TTC6: variants seen among roughly 807,000 people sequenced by gnomAD.
TTC6 encodes the protein tetratricopeptide repeat domain 6.
In TTC6, 172 loss-of-function variants were observed where a neutral mutation model predicts 210.4. The ratio of observed to expected loss-of-function variants is 0.82; its 90% CI spans 0.72 to 0.93. The LOEUF is 0.93. Among genes scored for constraint, TTC6 ranks in the 40% least tolerant of loss-of-function variants. TTC6 has a pLI of 0.00. For synonymous variants in TTC6, 804 were observed against 819.6 expected (o/e 0.98, Z 0.32); for missense variants, 2,414 against 2,318.1 (o/e 1.04, Z -0.85).
chr14:37,804,540 T>C, intron 20 of TTC6, 140 bp from the exon 23 acceptor site: 1 of 1,141,068 alleles, frequency 8.8e-7, no homozygotes, highest in Non-Finnish European at 1.2e-6. Flanking sequence ...ACCTGTAACT[T>C]CACCAGGTCT....
At chr14:37,717,343 C>T (rs1285669236) in intron 6 of TTC6, among the ~76,000 whole-genome samples, 4 of 151,680 alleles carry the variant, frequency 2.6e-5, no homozygotes, top group Non-Finnish European at 5.9e-5. Context: ...CATAAATTAC[C>T]AATATTATAA....
At chr14:37,753,106 T>C (rs1479645763) in exon 14 of TTC6, 79 of 1,533,852 alleles carry the variant, frequency 5.2e-5, no homozygotes, top group Non-Finnish European at 6.7e-5. Context: ...TAGTGTATTT[T>C]TTATGATCCC....
At chr14:37,811,528 T>C (rs1230162085) in intron 24 of TTC6, among the ~76,000 whole-genome samples, 1 of 152,158 alleles carries the variant, frequency 6.6e-6, no homozygotes, top group Non-Finnish European at 1.5e-5. Context: ...TCAGACCATA[T>C]GGCTCTTTTG....
chr14:37,753,093 C>T lies in TTC6; in HGVS notation c.3130-6C>T. 2.6e-6 allele frequency: 4 copies of T among 1,528,486 alleles called. No homozygotes were observed. In the South Asian group the frequency reaches 3.6e-5, roughly 14 times the overall value. 94.7% of individuals were successfully genotyped at this position (1,528,486 alleles called of 1,614,324 possible). ...GATGTTTATGTACCTCCCGCTGTCCCTATAGTGTATTTTTTATGATCCCAA... is the reference window on the plus strand; with the variant it reads ...GATGTTTATGTACCTCCCGCTGTCCTTATAGTGTATTTTTTATGATCCCAA... On this transcript the variant is annotated splice_region_variant and splice_polypyrimidine_tract_variant and intron_variant, in intron 13 of 30. Coordinates refer to ENST00000553443, the Ensembl canonical transcript of TTC6.
At chr14:37,828,631 A>G (rs1046883460) in intron 29 of TTC6, among the ~76,000 whole-genome samples, 1 of 152,108 alleles carries the variant, frequency 6.6e-6, no homozygotes, top group African/African-American at 2.4e-5. Context: ...CTAAAGAATA[A>G]ATTAACAGAG....
intron 7 of TTC6, among the ~76,000 whole-genome samples, chr14:37,729,768 C>T (rs986366304): frequency 6.6e-6 from 1 of 152,104 alleles, no homozygotes; most frequent in Admixed American, 6.6e-5. Context: ...CTTGAGCTGA[C>T]ACAGTAGGGA....
At chr14:37,810,840 A>G (rs527745457) in intron 24 of TTC6, among the ~76,000 whole-genome samples, 10 of 152,352 alleles carry the variant, frequency 6.6e-5, no homozygotes, top group African/African-American at 2.2e-4. Context: ...ATTAATAAAA[A>G]TACTGAACAG....
At chr14:37,751,222 G>A (rs922925096) in exon 13 of TTC6, 25 of 1,518,684 alleles carry the variant, frequency 1.6e-5, no homozygotes, top group African/African-American at 9.6e-5. Flanking sequence ...ATGACTTTTC[G>A]AAAGTAAGCT....
At chr14:37,638,649 A>C in intron 1 of TTC6, among the ~76,000 whole-genome samples, 1 of 152,058 alleles carries the variant, frequency 6.6e-6, no homozygotes. Context: ...CTGGGAGGGA[A>C]GTGTTTGTGG....
At chr14:37,616,653 C>T (rs55837727) in intron 2 of TTC6, among the ~76,000 whole-genome samples, 11,931 of 150,762 alleles carry the variant, frequency 0.079, 613 homozygotes, top group African/African-American at 0.15. Context: ...GCGAAGATCG[C>T]GCCACTGCAC....
intron 26 of TTC6, among the ~76,000 whole-genome samples, chr14:37,819,261 A>G (rs959352113): frequency 2.6e-5 from 4 of 152,174 alleles, no homozygotes; most frequent in Non-Finnish European, 5.9e-5. Flanking sequence ...ATTTCAGGAA[A>G]AATATTTTTT....
chr14:37,748,437 G>T (rs1392710748), intron 10 of TTC6, among the ~76,000 whole-genome samples: 1 of 152,146 alleles, frequency 6.6e-6, no homozygotes, highest in Non-Finnish European at 1.5e-5. Flanking sequence ...TCCTAGACTT[G>T]TAGCATTTGA....
chr14:37,751,971 C>T (rs2095953581), intron 13 of TTC6, among the ~76,000 whole-genome samples: 1 of 151,900 alleles, frequency 6.6e-6, no homozygotes, highest in Middle Eastern at 3.4e-3. Flanking sequence ...CTACAGGTGC[C>T]CGCCACTATG....
In TTC6 at chr14:37,660,458, A is replaced by G. The variant is rs544251501; in HGVS notation, c.940-19693A>G. On this transcript the variant is annotated intron_variant, in intron 1 of 30. Coordinates refer to ENST00000553443, the Ensembl canonical transcript of TTC6. ...CATGTGTTCTTATTGTTCAGCTTCC[A>G]CTTACAACTGAGAATATGTGGTATA... Among the ~76,000 whole-genome samples the G allele has an allele frequency of 3.9e-5, 6 of 152,118 alleles. No individual in the cohort carries two copies. In the East Asian group the frequency reaches 9.7e-4, roughly 25 times the overall value.
At chr14:37,783,851 A>C (rs151274678) in intron 14 of TTC6, among the ~76,000 whole-genome samples, 2,597 of 152,246 alleles carry the variant, frequency 0.017, 71 homozygotes, top group African/African-American at 0.053. Flanking sequence ...CACTGGTTTC[A>C]AAGAACATCT....
intron 1 of TTC6, among the ~76,000 whole-genome samples, chr14:37,629,089 G>A (rs1197290746): frequency 1.3e-5 from 2 of 152,134 alleles, no homozygotes. Context: ...GGCTATACGG[G>A]CTCTTTTTTG....
At chr14:37,733,294 T>C (rs2095892855) in intron 7 of TTC6, among the ~76,000 whole-genome samples, 1 of 152,178 alleles carries the variant, frequency 6.6e-6, no homozygotes, top group African/African-American at 2.4e-5. Flanking sequence ...CCCATATATT[T>C]ATCTCTTTTT....
intron 1 of TTC6, among the ~76,000 whole-genome samples, chr14:37,643,948 T>C (rs1156563146): frequency 6.6e-6 from 1 of 152,212 alleles, no homozygotes. Context: ...TATTAAACAG[T>C]TTACGGAATT....
Position 37,635,383 on chromosome 14 carries a change from A to G in TTC6, c.939+12380A>G, listed in dbSNP as rs371515698. On this transcript the variant is annotated intron_variant, in intron 1 of 30. Coordinates refer to ENST00000553443, the Ensembl canonical transcript of TTC6. Reference sequence around the variant, plus strand: ...AGAATTCTAAAAAATGTTGTTACCCATAGGAAGGCAGGTACAAACAGAAAG... The same window carrying G: ...AGAATTCTAAAAAATGTTGTTACCCGTAGGAAGGCAGGTACAAACAGAAAG... Among the ~76,000 whole-genome samples the G allele has an allele frequency of 7.9e-5, 12 of 152,344 alleles. No homozygotes were observed. The East Asian group carries it at 1.2e-3, about 15-fold the overall frequency.
Sources: gnomAD v4.1 joint callset for allele counts (sites outside exome capture counted in the v4.1 genomes callset) on GRCh38, gnomAD v4.1.1 for gene constraint, MANE v1.5 for transcripts, NCBI Gene and HGNC (gene_info 2026-07-23, HGNC 2026-07-21) for gene names.